PRKCE: variants seen among roughly 807,000 people sequenced by gnomAD.
The protein encoded by PRKCE is protein kinase C epsilon type.
A neutral mutation model predicts 85.4 loss-of-function variants in PRKCE; 16 were observed. That is an observed-to-expected ratio of 0.19 (90% CI 0.13 to 0.28). The LOEUF is 0.28. PRKCE is among the 10% of genes least tolerant of loss of function. The probability of loss-of-function intolerance (pLI) is 1.00; values close to 1 mark genes in which losing one functional copy is unlikely to be tolerated. For missense variants in PRKCE, 573 were observed against 975.2 expected (o/e 0.59, Z 5.49); for synonymous variants, 388 against 371.5 (o/e 1.04, Z -0.51).
intron 6 of PRKCE, among the ~76,000 whole-genome samples, chr2:45,996,497 G>A (rs191472886): frequency 8.5e-5 from 13 of 152,090 alleles, no homozygotes; most frequent in African/African-American, 2.9e-4. Context: ...ATTAAGTTGA[G>A]GAAATTCTCT....
At chr2:45,712,137 CT>C (rs34233761) in intron 1 of PRKCE, among the ~76,000 whole-genome samples, 1,844 of 45,734 alleles carry the variant, frequency 0.04, 17 homozygotes, top group African/African-American at 0.1. Flanking sequence ...ACGGCCTGTC[CT>C]TTTTTTTTTT....
At position 46,004,129 on chromosome 2, in the gene PRKCE, G is replaced by A. The variant is rs951500211; in HGVS notation, c.967-413G>A. The A allele has an allele frequency of 5.0e-5, 14 of 281,350 alleles. No homozygotes were observed. Among genetic ancestry groups the A allele is most frequent in the East Asian group, 9.3e-5 (1 of 10,718 alleles). The allele number at this position is 281,350 out of a possible 1,614,324, so 17.4% of individuals were successfully genotyped here. On this transcript the variant is annotated intron_variant, in intron 7 of 14. Transcript: ENST00000306156. The surrounding 1 kb of genome is among the most constrained non-coding windows in gnomAD (Gnocchi z 4.1). ...ACATTAGCCTTTTCCTGCTGTACCC[G>A]TCCAATGTAGATGATGTATTTCTTC...
intron 1 of PRKCE, among the ~76,000 whole-genome samples, chr2:45,674,332 G>A (rs1023810857): frequency 1.3e-5 from 2 of 152,190 alleles, no homozygotes; most frequent in African/African-American, 4.8e-5. Context: ...GAGTGCTGTG[G>A]AGGAGGCCTT....
intron 2 of PRKCE, among the ~76,000 whole-genome samples, chr2:45,866,553 C>T (rs35087575): frequency 3.3e-5 from 5 of 152,128 alleles, no homozygotes; most frequent in Admixed American, 6.5e-5. Flanking sequence ...GTGATCCACC[C>T]GCCTTGGCCT....
rs1466577126 is a variant in PRKCE, at chr2:45,754,758, C to A, written c.349-88242C>A. Among the ~76,000 whole-genome samples, 6 of 152,192 alleles carry A rather than the reference C, an allele frequency of 3.9e-5. No individual in the cohort carries two copies. In the East Asian group the frequency reaches 1.2e-3, roughly 29 times the overall value. ...GCTGCAATTTAAATGCCATGGTGTACCCGTGACTGGGCTGACGTGCATTGG... is the reference window on the plus strand; with the variant it reads ...GCTGCAATTTAAATGCCATGGTGTAACCGTGACTGGGCTGACGTGCATTGG... On this transcript the variant is annotated intron_variant, in intron 1 of 14. Coordinates refer to ENST00000306156, the MANE Select transcript of PRKCE (RefSeq NM_005400.3).
chr2:46,117,673 G>C (rs920372162), intron 11 of PRKCE, among the ~76,000 whole-genome samples: 2 of 152,198 alleles, frequency 1.3e-5, no homozygotes, highest in African/African-American at 4.8e-5. Flanking sequence ...TCACTTAAAA[G>C]CTGGGATAGT....
chr2:46,132,250 CCTT>C (rs1285358475), intron 11 of PRKCE, among the ~76,000 whole-genome samples: 1 of 152,154 alleles, frequency 6.6e-6, no homozygotes, highest in African/African-American at 2.4e-5. Context: ...TCATTTCCAG[CCTT>C]CTTCTCTTGT....
intron 1 of PRKCE, among the ~76,000 whole-genome samples, chr2:45,797,617 G>A (rs1687546292): frequency 6.6e-6 from 1 of 152,224 alleles, no homozygotes; most frequent in East Asian, 1.9e-4. Flanking sequence ...GAAGGACAAG[G>A]AACATTTAAA....
intron 10 of PRKCE, among the ~76,000 whole-genome samples, chr2:46,050,715 G>A (rs941593448): frequency 3.9e-5 from 6 of 152,350 alleles, no homozygotes; most frequent in Non-Finnish European, 8.8e-5. Context: ...GGCCTGCAAA[G>A]AGCATGACTT....
chr2:46,097,380 C>G (rs1489059090), intron 11 of PRKCE, among the ~76,000 whole-genome samples: 2 of 151,972 alleles, frequency 1.3e-5, no homozygotes, highest in African/African-American at 4.8e-5. Flanking sequence ...ATTAGCCGGG[C>G]GTGGTGGCGG....
chr2:46,111,397 C>A (rs1597158), intron 11 of PRKCE, among the ~76,000 whole-genome samples: 47,493 of 151,924 alleles, frequency 0.31, 7,610 homozygotes, highest in South Asian at 0.42. Flanking sequence ...GGTTTTTAGT[C>A]TATTCAAGCA....
intron 14 of PRKCE, among the ~76,000 whole-genome samples, chr2:46,175,557 C>T (rs112493089): frequency 0.013 from 2,012 of 152,230 alleles, 30 homozygotes; most frequent in African/African-American, 0.046. Flanking sequence ...GAGAAAATGG[C>T]GGCACAGAGA....
intron 2 of PRKCE, among the ~76,000 whole-genome samples, chr2:45,851,511 A>ACAGCAGATT (rs1209429797): frequency 6.6e-6 from 1 of 152,208 alleles, no homozygotes; most frequent in Non-Finnish European, 1.5e-5. Flanking sequence ...GATTGAGAAC[A>ACAGCAGATT]GTGGCTGTCT....
chr2:45,860,324 A>G (rs1480161587), intron 2 of PRKCE, among the ~76,000 whole-genome samples: 1 of 152,242 alleles, frequency 6.6e-6, no homozygotes, highest in Non-Finnish European at 1.5e-5. Flanking sequence ...GCAAACTTAC[A>G]TAGTGTACTG....
chr2:45,709,610 G>T (rs533213793), intron 1 of PRKCE, among the ~76,000 whole-genome samples: 2 of 152,344 alleles, frequency 1.3e-5, no homozygotes, highest in East Asian at 3.9e-4. Context: ...TTCTGCCTTA[G>T]TGTGACTGCT....
chr2:46,121,369 A>G (rs1673298187), intron 11 of PRKCE, among the ~76,000 whole-genome samples: 1 of 152,104 alleles, frequency 6.6e-6, no homozygotes, highest in South Asian at 2.1e-4. Flanking sequence ...ATGGCATGAG[A>G]TCAGTCCCCA....
At chr2:45,958,214 G>GAAAAAA (rs1701108486) in intron 2 of PRKCE, among the ~76,000 whole-genome samples, 1 of 97,772 alleles carries the variant, frequency 1.0e-5, no homozygotes, top group Non-Finnish European at 2.2e-5. Flanking sequence ...AAAAAAAAAA[G>GAAAAAA]AAAAAGAAAA....
At chr2:45,973,605 A>T (rs1421827694) in intron 2 of PRKCE, among the ~76,000 whole-genome samples, 1 of 151,372 alleles carries the variant, frequency 6.6e-6, no homozygotes, top group Non-Finnish European at 1.5e-5. Context: ...TGTGCCTGAG[A>T]CTCCCCCTCC....
chr2:45,859,007 T>C (rs1028648026), intron 2 of PRKCE, among the ~76,000 whole-genome samples: 1 of 151,632 alleles, frequency 6.6e-6, no homozygotes, highest in African/African-American at 2.4e-5. Context: ...GGGCGTTGTA[T>C]TCCAGCCTGG....
Sources: allele counts gnomAD v4.1 joint callset (sites outside exome capture counted in the v4.1 genomes callset), GRCh38; gene constraint gnomAD v4.1.1; non-coding constraint Gnocchi (gnomAD v3.1); transcripts MANE v1.5; gene names NCBI Gene and HGNC (gene_info 2026-07-23, HGNC 2026-07-21).